Variants in TOX3 observed in about 807,000 individuals in gnomAD.
TOX3 encodes the protein CAG trinucleotide repeat-containing gene F9 protein.
Under a neutral mutation model 64.3 loss-of-function variants are expected in TOX3, and 22 were observed. The observed-to-expected ratio is 0.34, with a 90% CI of 0.24 to 0.49. TOX3 has a LOEUF of 0.49. TOX3 is among the 20% of genes least tolerant of loss of function. The pLI is 0.99. For missense variants in TOX3, 661 were observed against 714.4 expected (o/e 0.93, Z 0.85); for synonymous variants, 291 against 273.6 (o/e 1.06, Z -0.63).
At chr16:52,506,832 C>G (rs1962174837) in intron 1 of TOX3, among the ~76,000 whole-genome samples, 3 of 152,122 alleles carry the variant, frequency 2.0e-5, no homozygotes. Context: ...CTTAGAATGT[C>G]CAACATCCAC....
chr16:52,544,993 T>A (rs774577956), intron 1 of TOX3, among the ~76,000 whole-genome samples: 20 of 152,230 alleles, frequency 1.3e-4, no homozygotes, highest in Non-Finnish European at 2.2e-4. Flanking sequence ...AAGGCTTGCA[T>A]CCACATGCTA....
intron 1 of TOX3, among the ~76,000 whole-genome samples, chr16:52,503,125 C>G (rs1962049487): frequency 6.6e-6 from 1 of 152,076 alleles, no homozygotes; most frequent in Non-Finnish European, 1.5e-5. Flanking sequence ...TAGTATCTAC[C>G]TTTTTTTAAA....
In TOX3 at chr16:52,439,780, G is replaced by A; in HGVS notation, c.1176C>T (p.Leu392=). The part of the protein sequence containing the change: ...SIAPKPLTMR[L]PMNQIVTSVT... ...CTGATGTGACAATCTGGTTCATGGG[G>A]AGTCTCATGGTTAAGGGTTTGGGAG... is the stretch of plus-strand genomic sequence containing the variant. Residue 392 remains leucine (L), a synonymous_variant, in exon 7 of 7, where the codon CTC becomes CTT. Coordinates refer to ENST00000219746, the MANE Select transcript of TOX3 (RefSeq NM_001080430.4). The A allele has an allele frequency of 6.2e-7, 1 of 1,613,966 alleles. No homozygotes were observed. The highest frequency in any genetic ancestry group is 8.5e-7 in the Non-Finnish European group (1 of 1,179,874).
chr16:52,528,185 C>A (rs1231572241), intron 1 of TOX3, among the ~76,000 whole-genome samples: 2 of 152,108 alleles, frequency 1.3e-5, no homozygotes, highest in Non-Finnish European at 2.9e-5. Context: ...CTGACCCGAT[C>A]TTAGGATGTT....
chr16:52,514,245 G>T (rs960628994), intron 1 of TOX3, among the ~76,000 whole-genome samples: 1 of 152,158 alleles, frequency 6.6e-6, no homozygotes, highest in Non-Finnish European at 1.5e-5. Context: ...CATCCATGTT[G>T]CTCCACTTAT....
chr16:52,538,140 G>T (rs1962998104), intron 1 of TOX3, among the ~76,000 whole-genome samples: 1 of 152,020 alleles, frequency 6.6e-6, no homozygotes, highest in Non-Finnish European at 1.5e-5. Flanking sequence ...CAAATAATAA[G>T]GGTTGAATCT....
At chr16:52,464,379 T>G (rs1210386792) in intron 2 of TOX3, among the ~76,000 whole-genome samples, 191 bp from the exon 3 acceptor site, 2 of 152,202 alleles carry the variant, frequency 1.3e-5, no homozygotes, top group African/African-American at 4.8e-5. Flanking sequence ...GATTAAAGAT[T>G]TAAGTCTCAT....
chr16:52,468,664 A>C, intron 1 of TOX3, 90 bp from the exon 2 acceptor site: 1 of 1,029,344 alleles, frequency 9.7e-7, no homozygotes, highest in South Asian at 1.4e-5. Flanking sequence ...TTGCTAAATA[A>C]AAGAGAGTTT....
chr16:52,546,646 G>T lies in TOX3; in HGVS notation c.78C>A (p.Gly26=). 1.3e-6 allele frequency: 2 copies of T among 1,541,148 alleles called. No homozygotes were observed. ...LDFAQCLGYY[G]YSKFGNNNNY... ...GGCCCAGCCCGGTCACCTTGCTGTA[G>T]CCGTAGTACCCCAGGCACTGCGCGA... The change falls in exon 1 of 7, where the codon GGC becomes GGA. Residue 26 remains glycine, a synonymous_variant. Coordinates refer to ENST00000219746, the MANE Select transcript of TOX3 (RefSeq NM_001080430.4).
chr16:52,527,828 A>G (rs189654990), intron 1 of TOX3, among the ~76,000 whole-genome samples: 3 of 152,308 alleles, frequency 2.0e-5, no homozygotes, highest in African/African-American at 7.2e-5. Context: ...AGAACCAGAA[A>G]GTTTTCGAAA....
In TOX3 at chr16:52,546,889, G is replaced by A. The variant is rs1449871826; in HGVS notation, c.-166C>T. Reference sequence around the variant, plus strand: ...AGAGCCCGAGGAGCTCGGGAGCCGCGGCCGCCGCACACAAAGGCGCGGCCA... The same window carrying A: ...AGAGCCCGAGGAGCTCGGGAGCCGCAGCCGCCGCACACAAAGGCGCGGCCA... On this transcript the variant is annotated 5_prime_UTR_variant, in exon 1 of 7. Transcript: ENST00000219746. The A allele has an allele frequency of 4.3e-6, 5 of 1,156,994 alleles. No individual in the cohort carries two copies. Among genetic ancestry groups the A allele is most frequent in the Admixed American group, 9.5e-5 (2 of 20,976 alleles). The allele number at this position is 1,156,994 out of a possible 1,614,324, so 71.7% of individuals were successfully genotyped here. A position where few individuals can be genotyped will look rare whatever the true frequency, so the allele number is the denominator to read the frequency against.
Position 52,546,781 on chromosome 16 carries a change from GCCT to G in TOX3, c.-61_-59del, listed in dbSNP as rs1385357596. 2 of 1,424,270 alleles carry G rather than the reference GCCT, an allele frequency of 1.4e-6. No individual in the cohort carries two copies. The highest frequency in any genetic ancestry group is 3.0e-5 in the African/African-American group (2 of 67,304). 88.2% of individuals were successfully genotyped at this position (1,424,270 alleles called of 1,614,324 possible). Reference sequence around the variant, plus strand: ...CTGGGGTTCGCCGGGGCCGGGACCCGCCTCCTCGCCGCCGCTAGATCCACCGTC... The same window carrying G: ...CTGGGGTTCGCCGGGGCCGGGACCCGCCTCGCCGCCGCTAGATCCACCGTC... On this transcript the variant is annotated 5_prime_UTR_variant, in exon 1 of 7. Transcript: ENST00000219746.
intron 1 of TOX3, among the ~76,000 whole-genome samples, chr16:52,533,073 G>C (rs1179244221): frequency 6.6e-6 from 1 of 152,162 alleles, no homozygotes; most frequent in Non-Finnish European, 1.5e-5. Flanking sequence ...GGAGGGCCTG[G>C]GTGGGAAAGA....
At chr16:52,445,708 T>C in intron 5 of TOX3, 1 of 313,474 alleles carries the variant, frequency 3.2e-6, no homozygotes, top group Non-Finnish European at 5.9e-6. Flanking sequence ...TTATTTAAAA[T>C]GAAAAGATTA....
At chr16:52,449,774 A>T (rs1960278051) in intron 4 of TOX3, among the ~76,000 whole-genome samples, 1 of 152,274 alleles carries the variant, frequency 6.6e-6, no homozygotes, top group South Asian at 2.1e-4. Context: ...ACTTTGTATC[A>T]TTTCAAATTA....
intron 1 of TOX3, among the ~76,000 whole-genome samples, chr16:52,527,480 T>C (rs1023818018): frequency 6.6e-6 from 1 of 152,184 alleles, no homozygotes; most frequent in Non-Finnish European, 1.5e-5. Context: ...ACAAAGATCT[T>C]CTCTTCTCAA....
At position 52,546,631 on chromosome 16, in the gene TOX3, G is replaced by C; in HGVS notation, c.87+6C>G. 11 of 1,530,832 alleles carry C rather than the reference G, an allele frequency of 7.2e-6. No individual in the cohort carries two copies. In the South Asian group the frequency reaches 9.6e-5, roughly 13 times the overall value. The allele number at this position is 1,530,832 out of a possible 1,614,324, so 94.8% of individuals were successfully genotyped here. ...GCCCCCCGGCCCACCGGCCCAGCCC[G>C]GTCACCTTGCTGTAGCCGTAGTACC... On this transcript the variant is annotated splice_donor_region_variant and intron_variant, in intron 1 of 6. Coordinates refer to ENST00000219746, the MANE Select transcript of TOX3 (RefSeq NM_001080430.4).
At chr16:52,535,187 A>G (rs140567826) in intron 1 of TOX3, among the ~76,000 whole-genome samples, 99 of 152,276 alleles carry the variant, frequency 6.5e-4, no homozygotes, top group Non-Finnish European at 6.5e-4. Context: ...GACCTCACCC[A>G]TCGCTCACTC....
intron 4 of TOX3, among the ~76,000 whole-genome samples, chr16:52,449,350 C>T: frequency 6.6e-6 from 1 of 152,182 alleles, no homozygotes; most frequent in Non-Finnish European, 1.5e-5. Context: ...TGTACTTCCA[C>T]TGTTCCTCAC....
Sources: allele counts gnomAD v4.1 joint callset (sites outside exome capture counted in the v4.1 genomes callset), GRCh38; gene constraint gnomAD v4.1.1; transcripts MANE v1.5; gene names NCBI Gene and HGNC (gene_info 2026-07-23, HGNC 2026-07-21).